Variants in FAM124A observed in about 807,000 individuals in gnomAD.
FAM124A encodes family with sequence similarity 124 member A.
A neutral mutation model predicts 24.5 loss-of-function variants in FAM124A; 23 were observed. That is an observed-to-expected ratio of 0.94 (90% CI 0.68 to 1.33). The LOEUF (loss-of-function observed/expected upper bound fraction) is 1.33. Among genes scored for constraint, FAM124A ranks in the 40% most tolerant of loss-of-function variants. The probability of loss-of-function intolerance (pLI) is 0.00; values close to 1 mark genes in which losing one functional copy is unlikely to be tolerated. For synonymous variants in FAM124A, 287 were observed against 314.7 expected (o/e 0.91, Z 0.93); for missense variants, 623 against 722.8 (o/e 0.86, Z 1.58).
At chr13:51,263,118 G>A (rs778096822) in intron 3 of FAM124A, among the ~76,000 whole-genome samples, 12 of 152,294 alleles carry the variant, frequency 7.9e-5, no homozygotes, top group Non-Finnish European at 1.8e-4. Context: ...GACCAAGGGT[G>A]GGGAGGGAGA....
intron 2 of FAM124A, among the ~76,000 whole-genome samples, chr13:51,244,054 A>G (rs1954530523): frequency 6.6e-6 from 1 of 152,224 alleles, no homozygotes; most frequent in African/African-American, 2.4e-5. Flanking sequence ...GCCAGGCTCC[A>G]GGGCCAGATT....
At chr13:51,242,667 G>C (rs1251232783) in intron 2 of FAM124A, among the ~76,000 whole-genome samples, 1 of 152,042 alleles carries the variant, frequency 6.6e-6, no homozygotes, top group East Asian at 1.9e-4. Flanking sequence ...CCTGAATGAA[G>C]CTTAGAAATA....
intron 1 of FAM124A, among the ~76,000 whole-genome samples, chr13:51,228,560 G>A (rs1954339954): frequency 6.6e-6 from 1 of 152,086 alleles, no homozygotes; most frequent in Non-Finnish European, 1.5e-5. Context: ...TAAAAGGTGA[G>A]ACCAATAAAC....
Position 51,272,017 on chromosome 13 carries a change from T to C in FAM124A, c.835-8433T>C, listed in dbSNP as rs1466222028. 6.6e-6 allele frequency among the ~76,000 whole-genome samples: 1 copy of C among 152,208 alleles called. No individual in the cohort carries two copies. ...GAGTTTTCGTAATCCATTTTTATTA[T>C]GTCAAGTAGTCGGGGCTCACTTTTC... On this transcript the variant is annotated intron_variant, in intron 3 of 3. Coordinates refer to ENST00000322475, the MANE Select transcript of FAM124A (RefSeq NM_001242312.2). The surrounding 1 kb of genome is among the most constrained non-coding windows in gnomAD (Gnocchi z 4.2).
chr13:51,274,627 A>G (rs957659579), intron 3 of FAM124A, among the ~76,000 whole-genome samples: 1 of 152,178 alleles, frequency 6.6e-6, no homozygotes, highest in African/African-American at 2.4e-5. Flanking sequence ...ATTTATTGGT[A>G]TTTATGATTT....
intron 3 of FAM124A, among the ~76,000 whole-genome samples, chr13:51,268,388 A>T (rs1459383789): frequency 2.6e-5 from 4 of 152,222 alleles, no homozygotes; most frequent in Non-Finnish European, 5.9e-5. Context: ...AACTCTCTTA[A>T]TGTCATATTT....
In FAM124A at chr13:51,222,556, G is replaced by A; in HGVS notation, c.55G>A (p.Ala19Thr). The change falls in exon 1 of 4, where the codon GCC (alanine) becomes ACC (threonine). Residue 19 changes from alanine (A) to threonine (T), a missense_variant. Coordinates refer to ENST00000322475, the MANE Select transcript of FAM124A (RefSeq NM_001242312.2). Reference sequence around the variant, plus strand: ...GGAGGACGACTGCGTGGACTCGGGCGCCGAGACCGGAGGGTGAGCCGCGCC... The same window carrying A: ...GGAGGACGACTGCGTGGACTCGGGCACCGAGACCGGAGGGTGAGCCGCGCC... The part of the protein sequence containing the change: ...GEEDDCVDSG[A>T]ETGGSDYSHL... 8.1e-7 allele frequency: 1 copy of A among 1,227,040 alleles called. No homozygotes were observed. Among genetic ancestry groups the A allele is most frequent in the Non-Finnish European group, 1.0e-6 (1 of 986,266 alleles). The allele number at this position is 1,227,040 out of a possible 1,614,324, so 76.0% of individuals were successfully genotyped here.
At chr13:51,260,589 C>T (rs1469020628) in intron 3 of FAM124A, among the ~76,000 whole-genome samples, 7 of 152,226 alleles carry the variant, frequency 4.6e-5, no homozygotes, top group Non-Finnish European at 5.9e-5. Flanking sequence ...CAGCCAGAGA[C>T]CATTCTTATC....
At chr13:51,224,666 TCA>T (rs953393266) in intron 1 of FAM124A, among the ~76,000 whole-genome samples, 1 of 152,210 alleles carries the variant, frequency 6.6e-6, no homozygotes, top group Non-Finnish European at 1.5e-5. Flanking sequence ...TATCCAGCTT[TCA>T]CAGAGATTAT....
chr13:51,236,959 TAAAG>T, intron 2 of FAM124A, among the ~76,000 whole-genome samples: 1 of 152,236 alleles, frequency 6.6e-6, no homozygotes, highest in East Asian at 1.9e-4. Flanking sequence ...TTAATTCTCA[TAAAG>T]AACAATTTTA....
At chr13:51,239,305 G>A (rs549629713) in intron 2 of FAM124A, among the ~76,000 whole-genome samples, 20 of 152,248 alleles carry the variant, frequency 1.3e-4, no homozygotes, top group African/African-American at 3.6e-4. Context: ...CTATCCAGAA[G>A]CAACCATTAT....
chr13:51,231,138 G>A (rs1401630346), intron 1 of FAM124A, among the ~76,000 whole-genome samples: 1 of 152,192 alleles, frequency 6.6e-6, no homozygotes, highest in African/African-American at 2.4e-5. Context: ...ACTCACATGA[G>A]AGCCCCCAGA....
chr13:51,280,659 C>T lies in FAM124A; in HGVS notation c.1044C>T (p.Asn348=), dbSNP rs1301261970. The T allele has an allele frequency of 1.9e-6, 3 of 1,614,184 alleles. No homozygotes were observed. Among genetic ancestry groups the T allele is most frequent in the Admixed American group, 1.7e-5 (1 of 60,028 alleles). Reference sequence around the variant, plus strand: ...AGCAGGAATTTGCCGGACGAGCCAACAGCACCCCCAACCCTCCCTGGTCTT... The same window carrying T: ...AGCAGGAATTTGCCGGACGAGCCAATAGCACCCCCAACCCTCCCTGGTCTT... ...GHQQEFAGRA[N]STPNPPWSFQ... is the part of the protein sequence containing the mutation. Residue 348 remains asparagine, a synonymous_variant, in exon 4 of 4, where the codon AAC becomes AAT. Transcript: ENST00000322475.
intron 2 of FAM124A, among the ~76,000 whole-genome samples, chr13:51,234,864 A>G (rs1396711848): frequency 6.6e-6 from 1 of 152,152 alleles, no homozygotes; most frequent in Non-Finnish European, 1.5e-5. Context: ...GTCACAGTAG[A>G]GAGACTGTGG....
intron 1 of FAM124A, among the ~76,000 whole-genome samples, chr13:51,223,497 A>G (rs2137636864): frequency 6.6e-6 from 1 of 152,198 alleles, no homozygotes; most frequent in South Asian, 2.1e-4. Context: ...AGAAAGCCTC[A>G]TTCCTGGAAG....
chr13:51,254,003 ATAGC>A (rs1435243796), intron 3 of FAM124A, among the ~76,000 whole-genome samples: 21 of 152,216 alleles, frequency 1.4e-4, no homozygotes, highest in Admixed American at 6.5e-4. Flanking sequence ...ATCAGTGCAG[ATAGC>A]TAGCATGAGG....
intron 3 of FAM124A, among the ~76,000 whole-genome samples, chr13:51,255,896 G>T (rs1206023535): frequency 1.3e-5 from 2 of 152,330 alleles, no homozygotes; most frequent in East Asian, 3.9e-4. Flanking sequence ...TCTCAGCCAG[G>T]CTTTCAGTAG....
intron 3 of FAM124A, among the ~76,000 whole-genome samples, chr13:51,274,363 C>T (rs1389448701): frequency 6.6e-6 from 1 of 152,144 alleles, no homozygotes; most frequent in African/African-American, 2.4e-5. Context: ...ATTGGAAATC[C>T]ACAATCCAAA....
Position 51,280,897 on chromosome 13 carries a change from G to T in FAM124A, c.1282G>T (p.Val428Phe). Residue 428 changes from valine (V) to phenylalanine (F), a missense_variant, in exon 4 of 4, where the codon GTC becomes TTC. Coordinates refer to ENST00000322475, the MANE Select transcript of FAM124A (RefSeq NM_001242312.2). Reference sequence around the variant, plus strand: ...GCTGTCCTCATCGGACCTGTCTGTGGTCTCTGCATATTCTGCACCCAGTAG... The same window carrying T: ...GCTGTCCTCATCGGACCTGTCTGTGTTCTCTGCATATTCTGCACCCAGTAG... ...LRLSSSDLSV[V>F]SAYSAPSRFC... The T allele has an allele frequency of 6.2e-7, 1 of 1,614,158 alleles. No individual in the cohort carries two copies. The highest frequency in any genetic ancestry group is 8.5e-7 in the Non-Finnish European group (1 of 1,180,020).
Sources: gnomAD v4.1 joint callset for allele counts (sites outside exome capture counted in the v4.1 genomes callset) on GRCh38, gnomAD v4.1.1 for gene constraint, Gnocchi (gnomAD v3.1) non-coding constraint, MANE v1.5 for transcripts, NCBI Gene and HGNC (gene_info 2026-07-23, HGNC 2026-07-21) for gene names.